The following AFAP1L2 variants were observed in gnomAD, a reference collection of about 807,000 sequenced individuals.
AFAP1L2 encodes actin filament associated protein 1 like 2, also known as actin filament-associated protein 1-like 2.
AFAP1L2 carries 46 observed loss-of-function variants against 99.3 expected under a neutral mutation model. The ratio of observed to expected loss-of-function variants is 0.46; its 90% CI spans 0.37 to 0.59. The LOEUF is 0.59. AFAP1L2 is among the 20% of genes least tolerant of loss of function. The pLI, the probability that AFAP1L2 is intolerant of heterozygous loss-of-function variation, is 0.00. For missense variants in AFAP1L2, 959 were observed against 1,034.9 expected (o/e 0.93, Z 1.01); for synonymous variants, 397 against 419.1 (o/e 0.95, Z 0.64).
chr10:114,334,553 A>G (rs2047658904), intron 2 of AFAP1L2, among the ~76,000 whole-genome samples: 1 of 152,204 alleles, frequency 6.6e-6, no homozygotes, highest in African/African-American at 2.4e-5. Flanking sequence ...GAGAGCCAAG[A>G]GGAACAGGAG....
intron 5 of AFAP1L2, among the ~76,000 whole-genome samples, chr10:114,321,371 C>G (rs982399935): frequency 6.6e-6 from 1 of 152,122 alleles, no homozygotes; most frequent in Non-Finnish European, 1.5e-5. Flanking sequence ...GTTTTTCATC[C>G]TGAGTTACTT....
the AFAP1L2 span, chr10:114,286,373 G>A: frequency 6.2e-7 from 1 of 1,613,860 alleles, no homozygotes; most frequent in Non-Finnish European, 8.5e-7. Flanking sequence ...CCTGCTGGGT[G>A]TAGGCAGTGA....
intron 1 of AFAP1L2, among the ~76,000 whole-genome samples, chr10:114,382,781 G>A (rs774014749): frequency 2.1e-4 from 32 of 151,846 alleles, no homozygotes; most frequent in Non-Finnish European, 4.4e-4. Context: ...TTTTAGTAGA[G>A]ATGGGGTTTC....
At chr10:114,290,270 C>T (rs200187762), downstream of AFAP1L2, 1 of 1,550,582 alleles carries the variant, frequency 6.4e-7, no homozygotes, top group Non-Finnish European at 8.7e-7. Flanking sequence ...CTCTGCAAAC[C>T]CAGCCCGTGC....
At chr10:114,366,290 G>T (rs539531742) in intron 1 of AFAP1L2, among the ~76,000 whole-genome samples, 19 of 152,292 alleles carry the variant, frequency 1.2e-4, no homozygotes, top group Non-Finnish European at 2.1e-4. Context: ...GGCATGCTTG[G>T]TAGGGATTCT....
chr10:114,332,062 C>A (rs2047318768), intron 3 of AFAP1L2, among the ~76,000 whole-genome samples, 165 bp from the exon 4 acceptor site: 1 of 152,136 alleles, frequency 6.6e-6, no homozygotes, highest in Non-Finnish European at 1.5e-5. Context: ...TTCCTCCCTG[C>A]AGTAATAGGG....
At chr10:114,371,706 T>C (rs1282151063) in intron 1 of AFAP1L2, among the ~76,000 whole-genome samples, 1 of 152,064 alleles carries the variant, frequency 6.6e-6, no homozygotes, top group Non-Finnish European at 1.5e-5. Context: ...AAATACCTAA[T>C]GCAGATGATG....
the AFAP1L2 span, among the ~76,000 whole-genome samples, chr10:114,286,890 G>A: frequency 6.6e-6 from 1 of 152,126 alleles, no homozygotes; most frequent in Non-Finnish European, 1.5e-5. Flanking sequence ...TCCTTTGATG[G>A]CAATCCACAG....
intron 1 of AFAP1L2, among the ~76,000 whole-genome samples, chr10:114,370,364 T>C (rs1369625674): frequency 6.6e-6 from 1 of 152,224 alleles, no homozygotes; most frequent in Non-Finnish European, 1.5e-5. Flanking sequence ...TTTGCTGAAA[T>C]GAGTGGTGCT....
chr10:114,286,117 G>A, the AFAP1L2 span: 5 of 1,614,150 alleles, frequency 3.1e-6, no homozygotes, highest in Non-Finnish European at 4.2e-6. Flanking sequence ...GGGAGCTGCT[G>A]GTGGCGGTGC....
At chr10:114,349,397 A>G (rs1000394195) in intron 1 of AFAP1L2, among the ~76,000 whole-genome samples, 3 of 149,536 alleles carry the variant, frequency 2.0e-5, no homozygotes, top group African/African-American at 4.9e-5. Context: ...AAAAAAAAAA[A>G]AAAAAAGAAA....
chr10:114,362,257 C>G (rs972567419), intron 1 of AFAP1L2, among the ~76,000 whole-genome samples: 4 of 152,094 alleles, frequency 2.6e-5, no homozygotes, highest in Admixed American at 2.6e-4. Context: ...TTGATTTGTG[C>G]CCTCCCCAAA....
At chr10:114,319,572 C>T (rs903621206) in intron 5 of AFAP1L2, 48 of 1,289,488 alleles carry the variant, frequency 3.7e-5, no homozygotes, top group African/African-American at 6.1e-5. Flanking sequence ...CCAAGGTGAT[C>T]GTGGCATAAA....
At chr10:114,361,856 G>T (rs915776700) in intron 1 of AFAP1L2, among the ~76,000 whole-genome samples, 2 of 152,134 alleles carry the variant, frequency 1.3e-5, no homozygotes, top group Non-Finnish European at 2.9e-5. Context: ...CTATAACCTA[G>T]AATTAGGTTA....
chr10:114,353,405 C>A (rs1477184021), intron 1 of AFAP1L2, among the ~76,000 whole-genome samples: 1 of 152,242 alleles, frequency 6.6e-6, no homozygotes, highest in Middle Eastern at 3.2e-3. Context: ...AATTAGGTTT[C>A]TTTTGCTTGC....
intron 10 of AFAP1L2, among the ~76,000 whole-genome samples, chr10:114,305,822 A>G (rs1306586452): frequency 1.2e-5 from 1 of 86,068 alleles, no homozygotes; most frequent in Non-Finnish European, 2.2e-5. Flanking sequence ...GCAGGAGGGG[A>G]GGCAGATCCA....
At chr10:114,301,987 T>C in intron 12 of AFAP1L2, 1 of 277,212 alleles carries the variant, frequency 3.6e-6, no homozygotes, top group Non-Finnish European at 6.9e-6. Flanking sequence ...CCCCCTGACC[T>C]GCTTTTCTCC....
chr10:114,330,447 ACT>A (rs2047070705), intron 4 of AFAP1L2, among the ~76,000 whole-genome samples: 1 of 152,096 alleles, frequency 6.6e-6, no homozygotes. Flanking sequence ...TCAAATGCTG[ACT>A]CTGTCACTTA....
intron 1 of AFAP1L2, among the ~76,000 whole-genome samples, chr10:114,375,784 G>A (rs115057085): frequency 0.013 from 1,946 of 152,116 alleles, 29 homozygotes; most frequent in African/African-American, 0.039. Flanking sequence ...GACCAGCCTG[G>A]GCAATATAGC....
Sources: allele counts gnomAD v4.1 joint callset (sites outside exome capture counted in the v4.1 genomes callset), GRCh38; gene constraint gnomAD v4.1.1; transcripts MANE v1.5; gene names NCBI Gene and HGNC (gene_info 2026-07-23, HGNC 2026-07-21).